The following ALPK1 variants were observed in gnomAD, a reference collection of about 807,000 sequenced individuals.
ALPK1 encodes alpha-protein kinase 1.
Under a neutral mutation model 120.6 loss-of-function variants are expected in ALPK1, and 110 were observed. That is an observed-to-expected ratio of 0.91 (90% CI 0.78 to 1.07). ALPK1 has a LOEUF of 1.07. Among genes scored for constraint, ALPK1 ranks in the 50% least tolerant of loss-of-function variants. The pLI, the probability that ALPK1 is intolerant of heterozygous loss-of-function variation, is 0.00. For missense variants in ALPK1, 1,498 were observed against 1,483.9 expected, an observed-to-expected ratio of 1.01 and a Z score of -0.16; for synonymous variants, 582 against 560.3, an observed-to-expected ratio of 1.04 and a Z score of -0.55.
At position 112,431,683 on chromosome 4, in the gene ALPK1, C is replaced by T; in HGVS notation, c.2136C>T (p.His712=). Residue 712 remains histidine, a synonymous_variant, in exon 11 of 16, where the codon CAC becomes CAT. Coordinates refer to ENST00000650871, the MANE Select transcript of ALPK1 (RefSeq NM_025144.4). ...RNMGPRNTSA[H]SRPSYRSASW... ...TGGGACCCAGAAATACTTCTGCTCA[C>T]TCCAGACCCTCATATCGTTCTGCTT... The T allele has an allele frequency of 6.2e-7, 1 of 1,614,236 alleles. No individual in the cohort carries two copies. The highest frequency in any genetic ancestry group is 8.5e-7 in the Non-Finnish European group (1 of 1,180,048).
At chr4:112,328,064 T>C (rs762256158) in intron 2 of ALPK1, among the ~76,000 whole-genome samples, 8 of 152,192 alleles carry the variant, frequency 5.3e-5, no homozygotes, top group Non-Finnish European at 1.2e-4. Context: ...ATGGCGAACT[T>C]GGATAGGGGG....
chr4:112,368,810 T>C (rs745344827), intron 2 of ALPK1, among the ~76,000 whole-genome samples: 25 of 152,184 alleles, frequency 1.6e-4, no homozygotes, highest in Non-Finnish European at 3.4e-4. Context: ...TTTAGCTCAC[T>C]CTTATACTGA....
Position 112,411,891 on chromosome 4 carries a change from T to G in ALPK1, c.341T>G (p.Val114Gly), listed in dbSNP as rs752167593. ...CAAAAAIVFLVDRFLYGLDVS... is the reference protein window; with the variant it reads ...CAAAAAIVFLGDRFLYGLDVS... ...GCTGCGGCGGCTATTGTGTTCTTGG[T>G]GGACCGGTTCCTGTATGGGCTCGAC... The change falls in exon 5 of 16, where the codon GTG (valine) becomes GGG (glycine). Residue 114 changes from valine (V) to glycine (G), a missense_variant. By Grantham distance (109) the Val-to-Gly change is moderately radical. Coordinates refer to ENST00000650871, the MANE Select transcript of ALPK1 (RefSeq NM_025144.4). The G allele has an allele frequency of 6.2e-7, 1 of 1,613,988 alleles. No homozygotes were observed. The highest frequency in any genetic ancestry group is 1.3e-5 in the African/African-American group (1 of 74,908).
chr4:112,412,052 C>T (rs1458487965), intron 5 of ALPK1, 27 bp downstream of exon 5: 2 of 1,611,778 alleles, frequency 1.2e-6, no homozygotes, highest in South Asian at 2.2e-5. Flanking sequence ...TGGCCGCCCC[C>T]GCGTCCTCAG....
intron 12 of ALPK1, among the ~76,000 whole-genome samples, chr4:112,437,576 T>A (rs1734841223): frequency 6.6e-6 from 1 of 152,196 alleles, no homozygotes; most frequent in South Asian, 2.1e-4. Context: ...GGTCTCTCCA[T>A]AGAAGAACTG....
intron 2 of ALPK1, among the ~76,000 whole-genome samples, chr4:112,363,809 C>T (rs1014877031): frequency 1.3e-5 from 2 of 152,044 alleles, no homozygotes; most frequent in East Asian, 3.9e-4. Context: ...ATATGATAGG[C>T]CACAAAACAA....
intron 3 of ALPK1, 79 bp from the exon 4 acceptor site, chr4:112,382,319 G>A: frequency 8.8e-7 from 1 of 1,133,860 alleles, no homozygotes; most frequent in South Asian, 1.6e-5. Flanking sequence ...TTGCCACTGA[G>A]GTGCTTCATC....
At chr4:112,354,388 T>C (rs943373156) in intron 2 of ALPK1, among the ~76,000 whole-genome samples, 2 of 152,262 alleles carry the variant, frequency 1.3e-5, no homozygotes, top group African/African-American at 4.8e-5. Flanking sequence ...CAATGCCATA[T>C]ACTGAGCTCT....
chr4:112,388,981 C>A (rs1371378615), intron 4 of ALPK1, among the ~76,000 whole-genome samples: 3 of 151,756 alleles, frequency 2.0e-5, no homozygotes, highest in Non-Finnish European at 4.4e-5. Context: ...ACAATCTGAA[C>A]TCCCCATCTC....
chr4:112,396,428 A>G (rs1448734507), intron 4 of ALPK1, among the ~76,000 whole-genome samples: 1 of 152,218 alleles, frequency 6.6e-6, no homozygotes, highest in East Asian at 1.9e-4. Flanking sequence ...CAGCTCGTAT[A>G]GCAAAAACAG....
At position 112,305,562 on chromosome 4, in the gene ALPK1, G is replaced by A. The variant is rs1383716550; in HGVS notation, c.-153+8093G>A. ...TTTGGCTCTCTGTTTGTCTGTTATT[G>A]GTGTATAAGAATGCTTGTGATTTTT... On this transcript the variant is annotated intron_variant, in intron 1 of 15. Transcript: ENST00000650871. 3.9e-5 allele frequency among the ~76,000 whole-genome samples: 6 copies of A among 152,120 alleles called. 1 individual carries two copies. The East Asian group carries it at 7.7e-4, about 20-fold the overall frequency.
chr4:112,422,071 G>A (rs1035747577), intron 5 of ALPK1, among the ~76,000 whole-genome samples: 3 of 152,174 alleles, frequency 2.0e-5, no homozygotes, highest in African/African-American at 7.2e-5. Context: ...GGAGAGGTCT[G>A]CTAAGTGACT....
rs1451531335 is a variant in ALPK1, at chr4:112,316,892, A to G, written c.-101+1040A>G. On this transcript the variant is annotated intron_variant, in intron 2 of 15. Coordinates refer to ENST00000650871, the MANE Select transcript of ALPK1 (RefSeq NM_025144.4). ...TCATAAAGATCAAGGAATGACTCGC[A>G]TTCCCAAAAGGAACCAAAAAGGATG... 2.0e-5 allele frequency among the ~76,000 whole-genome samples: 3 copies of G among 152,096 alleles called. No individual in the cohort carries two copies. In the East Asian group the frequency reaches 5.8e-4, roughly 29 times the overall value.
intron 2 of ALPK1, among the ~76,000 whole-genome samples, chr4:112,324,981 G>T (rs1291723389): frequency 7.2e-6 from 1 of 139,628 alleles, no homozygotes; most frequent in Non-Finnish European, 1.6e-5. Flanking sequence ...AAAAGGGGGG[G>T]GGGGGCAAAT....
chr4:112,439,813 C>A lies in ALPK1; in HGVS notation c.3479C>A (p.Ala1160Asp). The change falls in exon 14 of 16, where the codon GCC becomes GAC. Residue 1160 changes from alanine (A) to aspartate (D), a missense_variant. Coordinates refer to ENST00000650871, the MANE Select transcript of ALPK1 (RefSeq NM_025144.4). ...TACAAAGCCACAGAATATGGCTTGG[C>A]CTATGGCCATTTTTCTTATGAGTTT... is the stretch of plus-strand genomic sequence containing the variant. ...TEYKATEYGLAYGHFSYEFSN... is the reference protein window; with the variant it reads ...TEYKATEYGLDYGHFSYEFSN... 6.2e-7 allele frequency: 1 copy of A among 1,611,614 alleles called. No homozygotes were observed. Among genetic ancestry groups the A allele is most frequent in the Non-Finnish European group, 8.5e-7 (1 of 1,179,340 alleles).
intron 2 of ALPK1, among the ~76,000 whole-genome samples, chr4:112,332,638 G>T (rs1729435413): frequency 6.6e-6 from 1 of 152,216 alleles, no homozygotes; most frequent in African/African-American, 2.4e-5. Flanking sequence ...TCTGCCACTT[G>T]CTGAGTAAGG....
At chr4:112,376,064 G>A (rs1199002153) in intron 2 of ALPK1, among the ~76,000 whole-genome samples, 1 of 152,138 alleles carries the variant, frequency 6.6e-6, no homozygotes, top group Non-Finnish European at 1.5e-5. Flanking sequence ...CTGGCTCCCA[G>A]ACAGTTTGTG....
intron 4 of ALPK1, among the ~76,000 whole-genome samples, chr4:112,390,568 C>A (rs1032086045): frequency 1.3e-5 from 2 of 152,122 alleles, no homozygotes; most frequent in Non-Finnish European, 2.9e-5. Flanking sequence ...AAAATGCATA[C>A]CTTCAAAGAA....
chr4:112,417,134 T>C (rs902171816), intron 5 of ALPK1, among the ~76,000 whole-genome samples: 3 of 152,150 alleles, frequency 2.0e-5, no homozygotes, highest in African/African-American at 7.2e-5. Flanking sequence ...AAAGTGAGGA[T>C]AAAATAGACA....
Sources: gnomAD v4.1 joint callset for allele counts (sites outside exome capture counted in the v4.1 genomes callset) on GRCh38, gnomAD v4.1.1 for gene constraint, MANE v1.5 for transcripts, NCBI Gene and HGNC (gene_info 2026-07-23, HGNC 2026-07-21) for gene names.